The following FARP1 variants were observed in gnomAD, a reference collection of about 807,000 sequenced individuals.
The protein encoded by FARP1 is FERM, ARHGEF and pleckstrin domain-containing protein 1.
FARP1 carries 52 observed loss-of-function variants against 128.8 expected under a neutral mutation model. The observed-to-expected ratio is 0.40, with a 90% CI of 0.32 to 0.51. The LOEUF (loss-of-function observed/expected upper bound fraction) is 0.51. Ranked by LOEUF, FARP1 falls within the 20% of genes least tolerant of loss-of-function variation. FARP1 has a pLI of 0.45. For synonymous variants in FARP1, 580 were observed against 551.8 expected (o/e 1.05, Z -0.72); for missense variants, 1,333 against 1,367.9 (o/e 0.97, Z 0.40).
chr13:98,440,108 C>A lies in FARP1; in HGVS notation c.2517-15C>A, dbSNP rs962769724. On this transcript the variant is annotated splice_polypyrimidine_tract_variant and intron_variant, in intron 22 of 26. Coordinates refer to ENST00000319562, the MANE Select transcript of FARP1 (RefSeq NM_005766.4). ...TGTGCTGTGGCCTGAACACCTGACG[C>A]GTCTCTGTCTCCAGTTCTCGGTCCG... 1 of 1,609,952 alleles carries A rather than the reference C, an allele frequency of 6.2e-7. No homozygotes were observed. The highest frequency in any genetic ancestry group is 8.5e-7 in the Non-Finnish European group (1 of 1,176,340).
chr13:98,431,091 G>A lies in FARP1; in HGVS notation c.1954G>A (p.Glu652Lys), dbSNP rs750195885. ...WKHSEALEAL[E>K]NGIKSSRRLE... ...GCACAGCGAGGCCTTGGAGGCCCTG[G>A]AGAATGGAATCAAGAGCTCCCGGCG... is the stretch of plus-strand genomic sequence containing the variant. The change falls in exon 18 of 27, where the codon GAG becomes AAG. Residue 652 changes from glutamate to lysine, a missense_variant. Physicochemically the swap from Glu to Lys is moderately conservative, Grantham distance 56. Transcript: ENST00000319562. 1.3e-5 allele frequency: 21 copies of A among 1,614,056 alleles called. No individual in the cohort carries two copies. In the Admixed American group the frequency reaches 2.8e-4, roughly 22 times the overall value.
intron 2 of FARP1, among the ~76,000 whole-genome samples, chr13:98,312,981 G>A (rs1194735920): frequency 6.6e-6 from 1 of 152,132 alleles, no homozygotes; most frequent in African/African-American, 2.4e-5. Flanking sequence ...AGGTTGAACT[G>A]TGCTCCCTCC....
chr13:98,452,514 A>G lies in FARP1; in HGVS notation c.*4197A>G. 6.6e-6 allele frequency: 1 copy of G among 152,650 alleles called. No individual in the cohort carries two copies. The highest frequency in any genetic ancestry group is 1.9e-4 in the East Asian group (1 of 5,202). The allele number at this position is 152,650 out of a possible 1,614,324, so 9.5% of individuals were successfully genotyped here. Reference sequence around the variant, plus strand: ...TACAAATAGGAGTGTTCTGTAAGAGAGGGGCATTAATTATTAATGACAAAC... The same window carrying G: ...TACAAATAGGAGTGTTCTGTAAGAGGGGGGCATTAATTATTAATGACAAAC... On this transcript the variant is annotated 3_prime_UTR_variant, in exon 27 of 27. Coordinates refer to ENST00000319562, the MANE Select transcript of FARP1 (RefSeq NM_005766.4).
At chr13:98,309,271 A>C (rs1264188179) in intron 2 of FARP1, among the ~76,000 whole-genome samples, 2 of 133,700 alleles carry the variant, frequency 1.5e-5, no homozygotes, top group Non-Finnish European at 3.1e-5. Flanking sequence ...GGTTCACGCC[A>C]TTCTCCTGCC....
Position 98,388,536 on chromosome 13 carries a change from C to T in FARP1, c.855+58C>T, listed in dbSNP as rs563937786. ...GAGCCATGGGATGGCGTGTGTCCTGCAAGGGGTGGAGGTCTGCTTGGCAGG... is the reference window on the plus strand; with the variant it reads ...GAGCCATGGGATGGCGTGTGTCCTGTAAGGGGTGGAGGTCTGCTTGGCAGG... On this transcript the variant is annotated intron_variant, in intron 9 of 26. Coordinates refer to ENST00000319562, the MANE Select transcript of FARP1 (RefSeq NM_005766.4). 4 of 1,330,396 alleles carry T rather than the reference C, an allele frequency of 3.0e-6. No homozygotes were observed. In the South Asian group the frequency reaches 3.5e-5, roughly 12 times the overall value. The allele number at this position is 1,330,396 out of a possible 1,614,324, so 82.4% of individuals were successfully genotyped here. A position where few individuals can be genotyped will look rare whatever the true frequency, so the allele number is the denominator to read the frequency against.
chr13:98,439,850 G>A (rs1445698928), intron 21 of FARP1, 111 bp from the exon 22 acceptor site: 9 of 772,538 alleles, frequency 1.2e-5, no homozygotes, highest in African/African-American at 5.2e-5. Flanking sequence ...TGGGTCTCCT[G>A]AGCCCTGCTC....
chr13:98,240,749 TGAGA>T, intron 2 of FARP1, among the ~76,000 whole-genome samples: 1 of 152,194 alleles, frequency 6.6e-6, no homozygotes, highest in Admixed American at 6.5e-5. Context: ...AAATAACACC[TGAGA>T]GAGTGGGTTG....
rs187738273 is a variant in FARP1 at position 98,315,508 on chromosome 13, G to T, written c.172-28254G>T. Among the ~76,000 whole-genome samples the T allele has an allele frequency of 6.0e-4, 92 of 152,272 alleles. No individual in the cohort carries two copies. The South Asian group carries it at 0.014, about 23-fold the overall frequency. On this transcript the variant is annotated intron_variant, in intron 2 of 26. Transcript: ENST00000319562. ...GAACTTTACAACTCAAGTTACTTGT[G>T]CCCGTTTGTCTCCACTCCTAAAGGA...
At chr13:98,339,509 G>T (rs758388183) in intron 2 of FARP1, among the ~76,000 whole-genome samples, 56 of 152,254 alleles carry the variant, frequency 3.7e-4, no homozygotes, top group Middle Eastern at 3.4e-3. Context: ...TATCACCATT[G>T]TAGTGCCATT....
chr13:98,217,398 C>T (rs941185576), intron 2 of FARP1, among the ~76,000 whole-genome samples: 4 of 152,100 alleles, frequency 2.6e-5, no homozygotes, highest in African/African-American at 7.2e-5. Context: ...GCCCAGAAGC[C>T]CCCCAGGAGA....
intron 3 of FARP1, among the ~76,000 whole-genome samples, chr13:98,359,797 GT>G (rs1319172922): frequency 6.6e-6 from 1 of 152,060 alleles, no homozygotes; most frequent in East Asian, 1.9e-4. Flanking sequence ...CTAGGTGTGT[GT>G]AAGTTCACTG....
At chr13:98,308,238 A>T (rs886193971) in intron 2 of FARP1, among the ~76,000 whole-genome samples, 1 of 152,034 alleles carries the variant, frequency 6.6e-6, no homozygotes, top group East Asian at 1.9e-4. Flanking sequence ...TGAGGATGAT[A>T]ACTGTCCTAT....
chr13:98,337,726 T>C (rs1200557061), intron 2 of FARP1, among the ~76,000 whole-genome samples: 2 of 152,166 alleles, frequency 1.3e-5, no homozygotes, highest in Admixed American at 6.5e-5. Flanking sequence ...ACAGGTTTGG[T>C]TTTTTAGCAA....
intron 2 of FARP1, among the ~76,000 whole-genome samples, chr13:98,289,756 A>C (rs989267584): frequency 1.1e-4 from 17 of 152,106 alleles, no homozygotes; most frequent in South Asian, 6.3e-4. Context: ...GGGTTAAGTC[A>C]CTTAGTGTAA....
chr13:98,269,652 C>CT (rs1877762970), intron 2 of FARP1, among the ~76,000 whole-genome samples: 1 of 152,216 alleles, frequency 6.6e-6, no homozygotes, highest in African/African-American at 2.4e-5. Flanking sequence ...CTTTCAGTGA[C>CT]TGCTCATTCT....
chr13:98,254,192 C>A (rs951022246), intron 2 of FARP1, among the ~76,000 whole-genome samples: 3 of 152,190 alleles, frequency 2.0e-5, no homozygotes, highest in African/African-American at 7.2e-5. Context: ...TTCCCAAATA[C>A]TCATCTCATA....
intron 2 of FARP1, among the ~76,000 whole-genome samples, chr13:98,236,096 A>G (rs1399758521): frequency 1.3e-5 from 2 of 152,148 alleles, no homozygotes; most frequent in African/African-American, 4.8e-5. Context: ...AACTCATATA[A>G]TTGGAATCAT....
At chr13:98,266,985 G>C (rs937585881) in intron 2 of FARP1, among the ~76,000 whole-genome samples, 1 of 132,710 alleles carries the variant, frequency 7.5e-6, no homozygotes, top group Non-Finnish European at 1.5e-5. Flanking sequence ...CTGTACTCCA[G>C]CCTGGGTGAT....
intron 2 of FARP1, among the ~76,000 whole-genome samples, chr13:98,294,233 A>T (rs1330026805): frequency 6.6e-6 from 1 of 152,100 alleles, no homozygotes; most frequent in African/African-American, 2.4e-5. Context: ...ATTTAACATT[A>T]TTCTTGTTAT....
Sources: allele counts gnomAD v4.1 joint callset (sites outside exome capture counted in the v4.1 genomes callset), GRCh38; gene constraint gnomAD v4.1.1; transcripts MANE v1.5; gene names NCBI Gene and HGNC (gene_info 2026-07-23, HGNC 2026-07-21).